The following ANO4 variants were observed in gnomAD, a reference collection of about 807,000 sequenced individuals.
ANO4 encodes the protein anoctamin-4.
In ANO4, 69 loss-of-function variants were observed where a neutral mutation model predicts 141.9. The ratio of observed to expected loss-of-function variants is 0.49; its 90% CI spans 0.40 to 0.59. The LOEUF (loss-of-function observed/expected upper bound fraction) is 0.59, where lower values mean the gene tolerates loss of function less well. ANO4 is among the 20% of genes least tolerant of loss of function. The pLI, the probability that ANO4 is intolerant of heterozygous loss-of-function variation, is 0.00. For synonymous variants in ANO4, 350 were observed against 394.3 expected, an observed-to-expected ratio of 0.89 and a Z score of 1.33; for missense variants, 894 against 1,162.2, an observed-to-expected ratio of 0.77 and a Z score of 3.36.
chr12:100,968,714 G>C (rs1040480885), intron 5 of ANO4, among the ~76,000 whole-genome samples: 3 of 152,152 alleles, frequency 2.0e-5, no homozygotes, highest in African/African-American at 7.2e-5. Context: ...ACTGTACTAT[G>C]TATTGAAAAG....
chr12:101,048,368 A>G lies in ANO4; in HGVS notation c.1279A>G (p.Thr427Ala). Residue 427 changes from threonine (T) to alanine (A), a missense_variant, in exon 14 of 28, where the codon ACT becomes GCT. Around this residue, in one of 2 missense-constraint regions of ANO4, gnomAD observed 637 missense variants for 909.2 expected, o/e 0.70. Coordinates refer to ENST00000392977, the MANE Select transcript of ANO4 (RefSeq NM_001286615.2). ...AACCCACCTTTTTGACAATGGAGCC[A>G]CTGTCTTCTTTGCTGTTTTCATGGC... ...KVTHLFDNGA[T>A]VFFAVFMAVW... 1 of 1,613,810 alleles carries G rather than the reference A, an allele frequency of 6.2e-7. No individual in the cohort carries two copies. The highest frequency in any genetic ancestry group is 8.5e-7 in the Non-Finnish European group (1 of 1,179,792).
intron 1 of ANO4, among the ~76,000 whole-genome samples, chr12:100,864,207 A>G (rs1461615872): frequency 1.3e-5 from 2 of 152,114 alleles, no homozygotes; most frequent in Non-Finnish European, 2.9e-5. Context: ...CAGGAATGCA[A>G]TATTCTAATT....
chr12:100,841,177 G>A (rs1178211839), intron 1 of ANO4, among the ~76,000 whole-genome samples: 1 of 152,122 alleles, frequency 6.6e-6, no homozygotes, highest in East Asian at 1.9e-4. Flanking sequence ...AAATTCTAAT[G>A]TATCCCTGAG....
chr12:100,866,862 C>T (rs569299947), intron 1 of ANO4, among the ~76,000 whole-genome samples: 17 of 152,188 alleles, frequency 1.1e-4, no homozygotes, highest in Non-Finnish European at 2.1e-4. Flanking sequence ...ATACAAAATA[C>T]TGTTTATGTA....
chr12:100,806,524 G>GTTTTTTTTTTTTTTTTTTTTT lies in ANO4; in HGVS notation c.-141+11513_-141+11533dup, dbSNP rs763949654. On this transcript the variant is annotated intron_variant, in intron 1 of 27. Transcript: ENST00000392977. ...TTTTAGGAGGTTTTTTTTTTGTTTC[G>GTTTTTTTTTTTTTTTTTTTTT]TTTTTTTTTTTTTTTTTTTTTTTTT... is the stretch of plus-strand genomic sequence containing the variant. Among the ~76,000 whole-genome samples, 42 of 59,876 alleles carry GTTTTTTTTTTTTTTTTTTTTT rather than the reference G, an allele frequency of 7.0e-4. 10 individuals carry two copies. Among genetic ancestry groups the GTTTTTTTTTTTTTTTTTTTTT allele is most frequent in the East Asian group, 5.5e-3 (8 of 1,448 alleles). The allele number at this position is 59,876 out of a possible 152,430, so 39.3% of individuals were successfully genotyped here.
intron 2 of ANO4, among the ~76,000 whole-genome samples, chr12:100,917,960 C>A (rs1005602894): frequency 6.6e-6 from 1 of 152,128 alleles, no homozygotes; most frequent in Non-Finnish European, 1.5e-5. Context: ...GTCTTAAATC[C>A]TGAACTCCAA....
At chr12:100,810,819 TG>T (rs2035380484) in intron 1 of ANO4, among the ~76,000 whole-genome samples, 1 of 152,158 alleles carries the variant, frequency 6.6e-6, no homozygotes, top group South Asian at 2.1e-4. Context: ...GCAGTCCATA[TG>T]GTCAATAGGT....
intron 1 of ANO4, among the ~76,000 whole-genome samples, chr12:100,822,449 T>C (rs2036106281): frequency 6.6e-6 from 1 of 152,042 alleles, no homozygotes; most frequent in Non-Finnish European, 1.5e-5. Context: ...TGTTCAGGTC[T>C]TCTTAAGGGA....
At chr12:101,074,029 C>T (rs1250211107) in intron 14 of ANO4, among the ~76,000 whole-genome samples, 2 of 152,000 alleles carry the variant, frequency 1.3e-5, no homozygotes, top group Non-Finnish European at 2.9e-5. Flanking sequence ...TGAGAGTGTC[C>T]TTTTCTAAGA....
At chr12:100,920,594 T>A (rs2041585770) in intron 2 of ANO4, among the ~76,000 whole-genome samples, 1 of 148,922 alleles carries the variant, frequency 6.7e-6, no homozygotes, top group African/African-American at 2.5e-5. Flanking sequence ...CAGGAAGGCG[T>A]CTTTGTCTGT....
In ANO4 at chr12:100,987,666, C is replaced by T. The variant is rs1285124720; in HGVS notation, c.730C>T (p.His244Tyr). The T allele has an allele frequency of 3.1e-6, 5 of 1,613,690 alleles. No individual in the cohort carries two copies. The highest frequency in any genetic ancestry group is 1.3e-5 in the African/African-American group (1 of 74,902). Residue 244 changes from histidine to tyrosine, a missense_variant, in exon 8 of 28, where the codon CAT becomes TAT. Physicochemically the swap from His to Tyr is moderately conservative, Grantham distance 83 (BLOSUM62 2). Around this residue, in one of 2 missense-constraint regions of ANO4, gnomAD observed 637 missense variants for 909.2 expected, o/e 0.70. Transcript: ENST00000392977. ...TGCCCCTTTCAGCCAGCAAAGGATC[C>T]ATCAGTGAGTGTTCCATGTTAAAGC... ...YTAPFSQQRI[H>Y]HFIIHNKETF...
At chr12:101,111,221 G>T (rs2050652864) in intron 23 of ANO4, among the ~76,000 whole-genome samples, 1 of 152,136 alleles carries the variant, frequency 6.6e-6, no homozygotes, top group African/African-American at 2.4e-5. Context: ...AAGATGAACA[G>T]AAGGGACCAA....
chr12:100,855,015 C>T lies in ANO4; in HGVS notation c.-140-46631C>T, dbSNP rs138119095. 4.2e-4 allele frequency among the ~76,000 whole-genome samples: 64 copies of T among 152,068 alleles called. No homozygotes were observed. The Middle Eastern group carries it at 0.014, about 32-fold the overall frequency. On this transcript the variant is annotated intron_variant, in intron 1 of 27. Coordinates refer to ENST00000392977, the MANE Select transcript of ANO4 (RefSeq NM_001286615.2). ...AAGTTCATTTTTTTTTCTCCTCATA[C>T]GCTTTATGGCCCAAACCCCTAAGTT...
intron 1 of ANO4, among the ~76,000 whole-genome samples, chr12:100,730,160 G>C (rs1458996911): frequency 1.3e-5 from 2 of 152,178 alleles, no homozygotes; most frequent in Non-Finnish European, 2.9e-5. Context: ...GGTTTAGAAA[G>C]AATGAGGAAT....
chr12:100,960,886 G>C (rs749009410), intron 5 of ANO4, among the ~76,000 whole-genome samples: 1 of 152,170 alleles, frequency 6.6e-6, no homozygotes, highest in Admixed American at 6.6e-5. Context: ...TAGAAGAGTA[G>C]GGAAAACATT....
At chr12:100,851,762 G>C (rs994899316) in intron 1 of ANO4, among the ~76,000 whole-genome samples, 16 of 152,156 alleles carry the variant, frequency 1.1e-4, no homozygotes, top group Non-Finnish European at 2.2e-4. Flanking sequence ...GTGAAGGAAG[G>C]CCTCGCTTAC....
At chr12:101,047,532 C>T (rs1053632757) in intron 13 of ANO4, among the ~76,000 whole-genome samples, 8 of 151,958 alleles carry the variant, frequency 5.3e-5, no homozygotes, top group South Asian at 2.1e-4. Flanking sequence ...GGTGCATTCT[C>T]GAAGGAACAA....
Position 100,802,959 on chromosome 12 carries a change from GT to G in ANO4, c.-141+7939del, listed in dbSNP as rs372355823. ...TCTATGATAAACCACCATCTTGAGG[GT>G]TTTTTTCCTCCTAGATAAAAGCAGC... On this transcript the variant is annotated intron_variant, in intron 1 of 27. Coordinates refer to ENST00000392977, the MANE Select transcript of ANO4 (RefSeq NM_001286615.2). 4.1e-4 allele frequency among the ~76,000 whole-genome samples: 62 copies of G among 152,078 alleles called. 1 individual carries two copies. In the South Asian group the frequency reaches 1.0e-2, roughly 24 times the overall value.
At chr12:100,959,610 G>A (rs1037153013) in intron 5 of ANO4, among the ~76,000 whole-genome samples, 15 of 152,188 alleles carry the variant, frequency 9.9e-5, no homozygotes, top group South Asian at 2.1e-4. Flanking sequence ...CAGTCATGCC[G>A]TCTCTGTTAT....
Sources: allele counts gnomAD v4.1 joint callset (sites outside exome capture counted in the v4.1 genomes callset), GRCh38; gene constraint gnomAD v4.1.1; regional missense constraint gnomAD v4.1.1; transcripts MANE v1.5; gene names NCBI Gene and HGNC (gene_info 2026-07-23, HGNC 2026-07-21).